The following CNGB3 variants were observed in gnomAD, a reference collection of about 807,000 sequenced individuals.
CNGB3 encodes the protein cyclic nucleotide-gated channel beta-3.
Under a neutral mutation model 92.8 loss-of-function variants are expected in CNGB3, and 86 were observed. That is an observed-to-expected ratio of 0.93 (90% CI 0.78 to 1.11). The LOEUF (loss-of-function observed/expected upper bound fraction) is 1.11. CNGB3 is among the 50% of genes least tolerant of loss of function. CNGB3 has a pLI of 0.00. For missense variants in CNGB3, 1,026 were observed against 956.8 expected (o/e 1.07, Z -0.95); for synonymous variants, 333 against 332.7 (o/e 1.00, Z -0.01).
At chr8:86,677,701 G>A (rs1824002191) in intron 3 of CNGB3, among the ~76,000 whole-genome samples, 1 of 152,176 alleles carries the variant, frequency 6.6e-6, no homozygotes, top group African/African-American at 2.4e-5. Flanking sequence ...GAAGGTAAGA[G>A]TTTGAAAAAG....
intron 6 of CNGB3, chr8:86,661,294 C>A (rs2131609991): frequency 2.7e-6 from 1 of 371,368 alleles, no homozygotes; most frequent in South Asian, 2.5e-5. Flanking sequence ...ACATGCCAGT[C>A]ATGTACTGTC....
At chr8:86,584,214 C>A (rs896063059) in intron 15 of CNGB3, among the ~76,000 whole-genome samples, 15 of 152,144 alleles carry the variant, frequency 9.9e-5, no homozygotes, top group Admixed American at 3.9e-4. Context: ...CTTCTATCTA[C>A]CTTCTTCCCT....
At chr8:86,660,466 TG>T (rs1823616472) in intron 6 of CNGB3, 5 of 516,514 alleles carry the variant, frequency 9.7e-6, no homozygotes, top group Non-Finnish European at 2.0e-5. Flanking sequence ...CATTGGTCAA[TG>T]AGAAAGATGA....
Position 86,604,176 on chromosome 8 carries a change from A to C in CNGB3, c.1698T>G (p.His566Gln). 1 of 1,613,386 alleles carries C rather than the reference A, an allele frequency of 6.2e-7. No homozygotes were observed. The highest frequency in any genetic ancestry group is 8.5e-7 in the Non-Finnish European group (1 of 1,179,382). ...GGCCTCCAAGAACTTGGACTTCTCC[A>C]TGCTTGATGATATACATTTCCTTGC... ...EIGKEMYIIK[H>Q]GEVQVLGGPD... The change falls in exon 15 of 18, where the codon CAT (histidine) becomes CAG (glutamine). Residue 566 changes from histidine (H) to glutamine (Q), a missense_variant. Physicochemically the swap from His to Gln is conservative, Grantham distance 24. Transcript: ENST00000320005.
intron 15 of CNGB3, among the ~76,000 whole-genome samples, chr8:86,596,577 T>C (rs2131552298): frequency 6.6e-6 from 1 of 152,322 alleles, no homozygotes; most frequent in South Asian, 2.1e-4. Flanking sequence ...ATTCAATAAC[T>C]ATTTATTAGG....
intron 3 of CNGB3, among the ~76,000 whole-genome samples, chr8:86,712,899 A>T (rs1429670216): frequency 6.6e-6 from 1 of 151,506 alleles, no homozygotes; most frequent in Non-Finnish European, 1.5e-5. Context: ...CTTTCTGGCT[A>T]CTTTTGCTCA....
At chr8:86,611,946 C>T (rs377072864) in intron 13 of CNGB3, among the ~76,000 whole-genome samples, 17 of 152,134 alleles carry the variant, frequency 1.1e-4, no homozygotes, top group African/African-American at 4.1e-4. Context: ...AGTTTCCTAA[C>T]CTGTAAAATG....
At chr8:86,742,801 A>G (rs1375048110) in intron 1 of CNGB3, among the ~76,000 whole-genome samples, 3 of 152,210 alleles carry the variant, frequency 2.0e-5, no homozygotes, top group East Asian at 1.9e-4. Flanking sequence ...TGTGCTTTAT[A>G]TATTACTGTC....
intron 6 of CNGB3, chr8:86,661,805 T>C (rs1823644902): frequency 1.3e-6 from 2 of 1,577,716 alleles, no homozygotes; most frequent in South Asian, 2.2e-5. Flanking sequence ...ACCACTTCAA[T>C]TGCTGACGAA....
chr8:86,718,768 T>G (rs1179857709), intron 3 of CNGB3, among the ~76,000 whole-genome samples: 1 of 151,526 alleles, frequency 6.6e-6, no homozygotes, highest in Non-Finnish European at 1.5e-5. Context: ...GCAACAATCC[T>G]TAACAAATTA....
chr8:86,598,475 G>T (rs912759321), intron 15 of CNGB3, among the ~76,000 whole-genome samples: 14 of 152,058 alleles, frequency 9.2e-5, no homozygotes, highest in African/African-American at 3.4e-4. Flanking sequence ...TAAATAATTT[G>T]GTATTGTATT....
chr8:86,643,959 C>T, intron 9 of CNGB3, 86 bp from the exon 10 acceptor site: 3 of 1,435,446 alleles, frequency 2.1e-6, no homozygotes, highest in South Asian at 1.2e-5. Context: ...TTAAAGTCAC[C>T]AGCGAACCCC....
At chr8:86,669,048 T>C (rs1257358913) in intron 4 of CNGB3, among the ~76,000 whole-genome samples, 2 of 152,010 alleles carry the variant, frequency 1.3e-5, no homozygotes, top group Non-Finnish European at 2.9e-5. Context: ...TAAATAAATA[T>C]ATAAATAAAA....
At chr8:86,672,452 T>C (rs1442732717) in intron 3 of CNGB3, among the ~76,000 whole-genome samples, 3 of 152,164 alleles carry the variant, frequency 2.0e-5, no homozygotes, top group African/African-American at 4.8e-5. Flanking sequence ...GAGCATAGAG[T>C]AGACATTAGG....
intron 6 of CNGB3, among the ~76,000 whole-genome samples, chr8:86,656,330 A>G (rs1237521386): frequency 6.6e-6 from 1 of 152,178 alleles, no homozygotes; most frequent in Non-Finnish European, 1.5e-5. Flanking sequence ...TGTTCTTAGC[A>G]TATTTGTCTG....
chr8:86,705,128 A>G (rs1035662036), intron 3 of CNGB3, among the ~76,000 whole-genome samples: 1 of 152,200 alleles, frequency 6.6e-6, no homozygotes, highest in African/African-American at 2.4e-5. Context: ...CAAATTGCCT[A>G]GGAATTCTAA....
chr8:86,638,770 CCT>C (rs1823122138), intron 10 of CNGB3, among the ~76,000 whole-genome samples: 1 of 151,908 alleles, frequency 6.6e-6, no homozygotes, highest in Non-Finnish European at 1.5e-5. Flanking sequence ...TGAACTCTCC[CCT>C]GTCATGCTTC....
At chr8:86,610,069 G>A (rs1265800233) in intron 14 of CNGB3, among the ~76,000 whole-genome samples, 2 of 152,090 alleles carry the variant, frequency 1.3e-5, no homozygotes, top group Admixed American at 6.6e-5. Context: ...GAAGCCAGTG[G>A]TTCTCAGTTT....
chr8:86,720,450 T>C (rs1204486106), intron 3 of CNGB3, among the ~76,000 whole-genome samples: 1 of 152,104 alleles, frequency 6.6e-6, no homozygotes, highest in Non-Finnish European at 1.5e-5. Context: ...CACAATGCAA[T>C]ACCACCTCAC....
Sources: gnomAD v4.1 joint callset for allele counts (sites outside exome capture counted in the v4.1 genomes callset) on GRCh38, gnomAD v4.1.1 for gene constraint, MANE v1.5 for transcripts, NCBI Gene and HGNC (gene_info 2026-07-23, HGNC 2026-07-21) for gene names.